Variants in PTK2 observed in about 807,000 individuals in gnomAD.
PTK2 encodes the protein protein tyrosine kinase 2, also known as focal adhesion kinase 1.
PTK2 carries 45 observed loss-of-function variants against 150.1 expected under a neutral mutation model. The ratio of observed to expected loss-of-function variants is 0.30; its 90% CI spans 0.24 to 0.38. PTK2 has a LOEUF of 0.38. Among genes scored for constraint, PTK2 ranks in the 10% least tolerant of loss-of-function variants. The pLI is 1.00. For synonymous variants in PTK2, 432 were observed against 449.2 expected (o/e 0.96, Z 0.48); for missense variants, 919 against 1,307.3 (o/e 0.70, Z 4.58).
chr8:140,803,766 G>A (rs1466456083), intron 10 of PTK2, 116 bp from the exon 11 acceptor site: 2 of 935,548 alleles, frequency 2.1e-6, no homozygotes, highest in Non-Finnish European at 3.3e-6. Flanking sequence ...AAGACTGGAG[G>A]TCTGGGGAAA....
At chr8:140,878,568 T>G (rs1197215331) in intron 4 of PTK2, among the ~76,000 whole-genome samples, 1 of 151,862 alleles carries the variant, frequency 6.6e-6, no homozygotes. Context: ...TACTGCAGCC[T>G]GGGTGACAGG....
intron 5 of PTK2, among the ~76,000 whole-genome samples, chr8:140,853,191 CTCT>C (rs2100130416): frequency 8.5e-6 from 1 of 117,500 alleles, no homozygotes; most frequent in East Asian, 2.3e-4. Context: ...TGATGTCACA[CTCT>C]TTTTTTTTTT....
chr8:140,936,679 G>A (rs919757346), intron 1 of PTK2, among the ~76,000 whole-genome samples: 1 of 151,982 alleles, frequency 6.6e-6, no homozygotes, highest in South Asian at 2.1e-4. Flanking sequence ...AGCCATCTCC[G>A]AATGTGTCAC....
chr8:140,886,542 A>G (rs1199932322), intron 3 of PTK2, among the ~76,000 whole-genome samples: 1 of 152,216 alleles, frequency 6.6e-6, no homozygotes, highest in African/African-American at 2.4e-5. Flanking sequence ...GACAGCATAC[A>G]AGGCAGCAAG....
In PTK2 at chr8:140,945,494, G is replaced by A. The variant is rs541907090; in HGVS notation, c.-121-19745C>T. 1.4e-4 allele frequency among the ~76,000 whole-genome samples: 22 copies of A among 152,190 alleles called. No individual in the cohort carries two copies. The East Asian group carries it at 3.7e-3, about 25-fold the overall frequency. On this transcript the variant is annotated intron_variant, in intron 1 of 31. Transcript: ENST00000522684. ...TCAGCTACTTGGGAGGTTGAGGCAGGAGGATCATTTGAACCCAGGAGTTTA... is the reference window on the plus strand; with the variant it reads ...TCAGCTACTTGGGAGGTTGAGGCAGAAGGATCATTTGAACCCAGGAGTTTA...
At chr8:140,668,863 A>C (rs1182228639) in intron 29 of PTK2, 1 of 158,898 alleles carries the variant, frequency 6.3e-6, no homozygotes, top group African/African-American at 2.4e-5. Context: ...CTGCAGTGAA[A>C]ACGGTATGGC....
chr8:140,866,283 C>A (rs2100139228), intron 4 of PTK2, among the ~76,000 whole-genome samples: 1 of 152,026 alleles, frequency 6.6e-6, no homozygotes, highest in South Asian at 2.1e-4. Context: ...GGGGAAGCTC[C>A]CATATTAAAG....
In PTK2 at chr8:140,879,650, C is replaced by T; in HGVS notation, c.196-13G>A. 1 of 1,310,878 alleles carries T rather than the reference C, an allele frequency of 7.6e-7. No homozygotes were observed. Among genetic ancestry groups the T allele is most frequent in the Non-Finnish European group, 1.0e-6 (1 of 985,582 alleles). The allele number at this position is 1,310,878 out of a possible 1,614,324, so 81.2% of individuals were successfully genotyped here. A position where few individuals can be genotyped will look rare whatever the true frequency, so the allele number is the denominator to read the frequency against. On this transcript the variant is annotated splice_polypyrimidine_tract_variant and intron_variant, in intron 3 of 31. Transcript: ENST00000522684. Reference sequence around the variant, plus strand: ...TCTGAATGATGCCCTAAAACATACCCCCCACAAGAATGACTGTTATAAACT... The same window carrying T: ...TCTGAATGATGCCCTAAAACATACCTCCCACAAGAATGACTGTTATAAACT...
At chr8:140,837,830 G>A (rs550618918) in intron 7 of PTK2, among the ~76,000 whole-genome samples, 8 of 152,024 alleles carry the variant, frequency 5.3e-5, no homozygotes, top group East Asian at 1.9e-4. Flanking sequence ...AGGCCGATGC[G>A]GGCTGATCAC....
chr8:140,800,323 G>A, intron 12 of PTK2, 136 bp downstream of exon 12: 1 of 767,676 alleles, frequency 1.3e-6, no homozygotes, highest in Non-Finnish European at 2.3e-6. Context: ...TAAGTCCTCA[G>A]ATTATACTGA....
exon 32 of PTK2, chr8:140,659,106 G>C: frequency 3.7e-6 from 1 of 270,592 alleles, no homozygotes; most frequent in African/African-American, 2.2e-5. Context: ...AGCTAAGGTA[G>C]TTTAGGAATT....
intron 7 of PTK2, among the ~76,000 whole-genome samples, chr8:140,834,150 C>T (rs1219292286): frequency 6.6e-6 from 1 of 152,170 alleles, no homozygotes; most frequent in Admixed American, 6.5e-5. Flanking sequence ...TGGGGCTGGG[C>T]CAGAGCAATG....
Position 140,982,409 on chromosome 8 carries a change from C to G in PTK2, c.-122+18716G>C, listed in dbSNP as rs370785306. On this transcript the variant is annotated intron_variant, in intron 1 of 31. Transcript: ENST00000522684. ...GTCAGGAGTTCGAGACCAGCCTGACCAACATGGTGAAACCCCATCTCTACT... is the reference window on the plus strand; with the variant it reads ...GTCAGGAGTTCGAGACCAGCCTGACGAACATGGTGAAACCCCATCTCTACT... Among the ~76,000 whole-genome samples the G allele has an allele frequency of 1.1e-3, 167 of 152,298 alleles. 1 individual carries two copies. The highest frequency in any genetic ancestry group is 3.9e-3 in the African/African-American group (161 of 41,550).
At position 140,715,729 on chromosome 8, in the gene PTK2, C is replaced by T. The variant is rs563384538; in HGVS notation, c.2142+1869G>A. Reference sequence around the variant, plus strand: ...AACAAATAAACCTTTGTGTAGAGTGCAGCAATCTGCTTATAGAAAAGAATC... The same window carrying T: ...AACAAATAAACCTTTGTGTAGAGTGTAGCAATCTGCTTATAGAAAAGAATC... On this transcript the variant is annotated intron_variant, in intron 23 of 31. Coordinates refer to ENST00000522684, the Ensembl canonical transcript of PTK2. 4.6e-5 allele frequency among the ~76,000 whole-genome samples: 7 copies of T among 151,840 alleles called. No homozygotes were observed. The East Asian group carries it at 1.4e-3, about 29-fold the overall frequency.
intron 1 of PTK2, among the ~76,000 whole-genome samples, chr8:140,986,786 T>C (rs2154610114): frequency 6.6e-6 from 1 of 152,328 alleles, no homozygotes. Flanking sequence ...GACGCAAAAG[T>C]AAGTGTTCTC....
At chr8:140,977,229 A>C (rs1467748178) in intron 1 of PTK2, among the ~76,000 whole-genome samples, 4 of 152,202 alleles carry the variant, frequency 2.6e-5, no homozygotes, top group African/African-American at 9.7e-5. Flanking sequence ...ATCTCTAAAG[A>C]AAATTTAAAA....
rs576814703 is a variant in PTK2 at position 140,764,098 on chromosome 8, T to G, written c.1234+136A>C. The G allele has an allele frequency of 5.0e-6, 4 of 805,484 alleles. No homozygotes were observed. The East Asian group carries it at 9.7e-5, about 20-fold the overall frequency. The allele number at this position is 805,484 out of a possible 1,614,324, so 49.9% of individuals were successfully genotyped here. ...TGTAAGTAATATAGAATGGTAAAGG[T>G]TGAAAAGAATATTTCTGTTCAGCAT... On this transcript the variant is annotated intron_variant, in intron 15 of 31. Coordinates refer to ENST00000522684, the Ensembl canonical transcript of PTK2.
intron 7 of PTK2, among the ~76,000 whole-genome samples, chr8:140,836,982 A>G (rs1433825328): frequency 6.6e-6 from 1 of 152,256 alleles, no homozygotes; most frequent in African/African-American, 2.4e-5. Flanking sequence ...CTGGAAAATA[A>G]GAGTCTTCCT....
At chr8:140,960,221 C>CG (rs2100182677) in intron 1 of PTK2, among the ~76,000 whole-genome samples, 2 of 103,068 alleles carry the variant, frequency 1.9e-5, no homozygotes, top group African/African-American at 4.2e-5. Context: ...TTTTTTGAGA[C>CG]GGAGTCTCAC....
Sources: gnomAD v4.1 joint callset for allele counts (sites outside exome capture counted in the v4.1 genomes callset) on GRCh38, gnomAD v4.1.1 for gene constraint, MANE v1.5 for transcripts, NCBI Gene and HGNC (gene_info 2026-07-23, HGNC 2026-07-21) for gene names.